PBX3: variants seen among roughly 807,000 people sequenced by gnomAD.
PBX3 encodes PBX homeobox 3.
PBX3 carries 14 observed loss-of-function variants against 48.5 expected under a neutral mutation model. The ratio of observed to expected loss-of-function variants is 0.29; its 90% CI spans 0.19 to 0.45. The LOEUF (loss-of-function observed/expected upper bound fraction) is 0.45, where lower values mean the gene tolerates loss of function less well. Ranked by LOEUF, PBX3 falls within the 20% of genes least tolerant of loss-of-function variation. PBX3 has a pLI of 1.00. For synonymous variants in PBX3, 210 were observed against 200.3 expected, an observed-to-expected ratio of 1.05 and a Z score of -0.41; for missense variants, 386 against 546.7, an observed-to-expected ratio of 0.71 and a Z score of 2.93.
In PBX3 at chr9:125,783,490, G is replaced by T. The variant is rs148199300; in HGVS notation, c.274+34867G>T. Reference sequence around the variant, plus strand: ...TTTAGTAGAGATGGGGTTTCACCACGTTGGCCAGGCTGGTTTCGAACTCCT... The same window carrying T: ...TTTAGTAGAGATGGGGTTTCACCACTTTGGCCAGGCTGGTTTCGAACTCCT... On this transcript the variant is annotated intron_variant, in intron 2 of 8. Transcript: ENST00000373489. 4.6e-5 allele frequency among the ~76,000 whole-genome samples: 7 copies of T among 152,050 alleles called. No homozygotes were observed. The East Asian group carries it at 1.4e-3, about 30-fold the overall frequency.
chr9:125,845,544 T>C (rs752232331), intron 2 of PBX3, among the ~76,000 whole-genome samples: 1 of 152,110 alleles, frequency 6.6e-6, no homozygotes, highest in African/African-American at 2.4e-5. Context: ...ATAATTGTTT[T>C]ATCAATATTC....
At chr9:125,770,095 GGAA>G (rs1408347054) in intron 2 of PBX3, among the ~76,000 whole-genome samples, 2 of 152,162 alleles carry the variant, frequency 1.3e-5, no homozygotes, top group African/African-American at 4.8e-5. Context: ...TAAGTGGCAA[GGAA>G]GAAGAAATTT....
rs148016230 is a variant in PBX3 at position 125,889,076 on chromosome 9, T to C, written c.275-26610T>C. 3.3e-5 allele frequency among the ~76,000 whole-genome samples: 5 copies of C among 152,346 alleles called. No homozygotes were observed. The East Asian group carries it at 9.6e-4, about 29-fold the overall frequency. On this transcript the variant is annotated intron_variant, in intron 2 of 8. Transcript: ENST00000373489. ...TCAGTGACCACGTATTACAATAAAA[T>C]GGCCTTAACGTAATTTGGAAGTGGA...
intron 2 of PBX3, among the ~76,000 whole-genome samples, chr9:125,774,788 G>T (rs750712447): frequency 4.6e-5 from 7 of 151,350 alleles, no homozygotes; most frequent in Non-Finnish European, 8.8e-5. Context: ...TAGATCATGT[G>T]TTTAACTTTT....
intron 2 of PBX3, among the ~76,000 whole-genome samples, chr9:125,774,213 A>T (rs1442755241): frequency 1.3e-5 from 2 of 152,170 alleles, no homozygotes; most frequent in Non-Finnish European, 2.9e-5. Flanking sequence ...CACTTTTAAC[A>T]ACCAGATCTT....
chr9:125,757,881 C>CT (rs1314765652), intron 2 of PBX3, among the ~76,000 whole-genome samples: 2 of 152,142 alleles, frequency 1.3e-5, no homozygotes, highest in Non-Finnish European at 2.9e-5. Context: ...TAGATTTTCA[C>CT]TTGTTATTCA....
In PBX3 at chr9:125,935,553, C is replaced by T. The variant is rs1451772389; in HGVS notation, c.789C>T (p.Pro263=). 6.2e-7 allele frequency: 1 copy of T among 1,613,862 alleles called. No individual in the cohort carries two copies. The change falls in exon 5 of 9, where the codon CCC becomes CCT. Residue 263 remains proline, a synonymous_variant. Transcript: ENST00000373489. ...ACTCACACCTCAGCAACCCCTACCC[C>T]AGTGAAGAAGCCAAAGAGGAGCTGG... ...YFYSHLSNPY[P]SEEAKEELAK...
At chr9:125,914,417 C>T (rs1841277600) in intron 2 of PBX3, among the ~76,000 whole-genome samples, 1 of 152,170 alleles carries the variant, frequency 6.6e-6, no homozygotes, top group Admixed American at 6.5e-5. Flanking sequence ...AGAGCTCTGT[C>T]ATGCCATGGA....
At chr9:125,794,779 A>G (rs1387677177) in intron 2 of PBX3, among the ~76,000 whole-genome samples, 1 of 150,146 alleles carries the variant, frequency 6.7e-6, no homozygotes, top group Non-Finnish European at 1.5e-5. Context: ...CACCCACCTC[A>G]ATTCCAAAGA....
chr9:125,772,593 A>G (rs1836967755), intron 2 of PBX3, among the ~76,000 whole-genome samples: 1 of 152,174 alleles, frequency 6.6e-6, no homozygotes, highest in Non-Finnish European at 1.5e-5. Context: ...CAAGTCACCT[A>G]ATTTTTCCTG....
At chr9:125,755,793 T>A (rs1183838959) in intron 2 of PBX3, among the ~76,000 whole-genome samples, 1 of 151,748 alleles carries the variant, frequency 6.6e-6, no homozygotes, top group African/African-American at 2.4e-5. Context: ...CTATGATTAT[T>A]TAAATGAAAT....
intron 1 of PBX3, chr9:125,748,197 T>C (rs1456248185): frequency 3.0e-6 from 3 of 986,462 alleles, no homozygotes; most frequent in Non-Finnish European, 3.6e-6. Context: ...TCGGCCGGCC[T>C]CCTCTGCACA....
At chr9:125,814,416 G>A (rs1382874182) in intron 2 of PBX3, among the ~76,000 whole-genome samples, 1 of 152,082 alleles carries the variant, frequency 6.6e-6, no homozygotes, top group South Asian at 2.1e-4. Flanking sequence ...GTTCCAAACT[G>A]TACTGTTCTA....
At chr9:125,938,556 G>A (rs1462580926) in intron 5 of PBX3, among the ~76,000 whole-genome samples, 5 of 152,112 alleles carry the variant, frequency 3.3e-5, no homozygotes, top group East Asian at 3.9e-4. Context: ...AGGAGCAGAC[G>A]GACATTGGGT....
chr9:125,796,833 G>A (rs1439946481), intron 2 of PBX3, among the ~76,000 whole-genome samples: 2 of 151,990 alleles, frequency 1.3e-5, no homozygotes, highest in African/African-American at 4.8e-5. Flanking sequence ...GTTAATGAGA[G>A]TGTCATATTA....
chr9:125,801,925 A>G (rs995587027), intron 2 of PBX3, among the ~76,000 whole-genome samples: 8 of 151,824 alleles, frequency 5.3e-5, no homozygotes, highest in African/African-American at 1.9e-4. Flanking sequence ...AAGAAAATTT[A>G]TTTTCGGCTA....
chr9:125,955,873 C>T (rs911415703), intron 5 of PBX3, among the ~76,000 whole-genome samples: 4 of 152,186 alleles, frequency 2.6e-5, no homozygotes, highest in African/African-American at 9.7e-5. Flanking sequence ...AGGCAGGGGC[C>T]ATGTGTTTAT....
intron 2 of PBX3, among the ~76,000 whole-genome samples, chr9:125,790,596 T>C (rs1391993120): frequency 2.6e-5 from 4 of 151,818 alleles, no homozygotes; most frequent in South Asian, 2.1e-4. Flanking sequence ...TAAAACAGAG[T>C]CCTGTTCTGT....
chr9:125,943,602 C>T (rs1172791398), intron 5 of PBX3, among the ~76,000 whole-genome samples: 1 of 151,996 alleles, frequency 6.6e-6, no homozygotes, highest in Admixed American at 6.6e-5. Flanking sequence ...TTTCCGCTGC[C>T]TTGCTTCCAT....
Sources: gnomAD v4.1 joint callset for allele counts (sites outside exome capture counted in the v4.1 genomes callset) on GRCh38, gnomAD v4.1.1 for gene constraint, MANE v1.5 for transcripts, NCBI Gene and HGNC (gene_info 2026-07-23, HGNC 2026-07-21) for gene names.